CES1: variants seen among roughly 807,000 people sequenced by gnomAD.
The protein encoded by CES1 is carboxylesterase 1, also known as liver carboxylesterase 1.
In CES1, 50 loss-of-function variants were observed where a neutral mutation model predicts 53.0. The observed-to-expected ratio is 0.94, with a 90% CI of 0.75 to 1.19. The LOEUF is 1.19. CES1 is among the 50% of genes most tolerant of loss of function. The pLI is 0.00. For synonymous variants in CES1, 202 were observed against 210.1 expected (o/e 0.96, Z 0.33); for missense variants, 534 against 538.0 (o/e 0.99, Z 0.07).
intron 2 of CES1, 60 bp from the exon 3 acceptor site, chr16:55,826,355 A>T: frequency 1.3e-6 from 2 of 1,599,326 alleles, no homozygotes; most frequent in South Asian, 2.2e-5. Context: ...GGTGTTTTCT[A>T]CGGCAGCGCC....
intron 4 of CES1, among the ~76,000 whole-genome samples, 196 bp downstream of exon 4, chr16:55,823,354 G>A (rs1480361510): frequency 3.3e-5 from 5 of 152,164 alleles, no homozygotes; most frequent in African/African-American, 1.2e-4. Flanking sequence ...AGAGGGAACA[G>A]CACATGCAAA....
rs772197748 is a variant in CES1 at position 55,813,038 on chromosome 16, T to C, written c.951A>G (p.Gln317=). The change falls in exon 9 of 14, where the codon CAA becomes CAG. Residue 317 remains glutamine (Q), a synonymous_variant. Transcript: ENST00000360526. ...LDLQGDPRES[Q]PLLGTVIDGM... Reference sequence around the variant, plus strand: ...CATCAATCACAGTGCCCAGAAGGGGTTGACTCTGGGGAGAGAGCAGTGCAG... The same window carrying C: ...CATCAATCACAGTGCCCAGAAGGGGCTGACTCTGGGGAGAGAGCAGTGCAG... 9 of 1,613,656 alleles carry C rather than the reference T, an allele frequency of 5.6e-6. No individual in the cohort carries two copies. Among genetic ancestry groups the C allele is most frequent in the Middle Eastern group, 1.6e-4 (1 of 6,080 alleles).
chr16:55,817,967 G>A (rs866242380), intron 7 of CES1, among the ~76,000 whole-genome samples: 3 of 152,278 alleles, frequency 2.0e-5, no homozygotes, highest in South Asian at 4.1e-4. Context: ...GCCTCCTTCC[G>A]GGCGTTAGAA....
intron 3 of CES1, among the ~76,000 whole-genome samples, chr16:55,824,129 T>C (rs1461036401): frequency 2.6e-5 from 4 of 152,068 alleles, no homozygotes; most frequent in Non-Finnish European, 2.9e-5. Flanking sequence ...TGTGCATGAA[T>C]GATTGTCTCG....
At chr16:55,832,668 G>A (rs193229145) in intron 1 of CES1, among the ~76,000 whole-genome samples, 50 of 152,342 alleles carry the variant, frequency 3.3e-4, no homozygotes, top group Admixed American at 5.9e-4. Flanking sequence ...ATTATGTTGA[G>A]CCGCTCTCCG....
chr16:55,822,366 G>T (rs1235581293), intron 4 of CES1, among the ~76,000 whole-genome samples: 34 of 152,258 alleles, frequency 2.2e-4, no homozygotes, highest in Non-Finnish European at 1.5e-5. Flanking sequence ...GAGGTGCAAA[G>T]TAGGGGACTC....
chr16:55,829,087 C>G (rs2032538764), intron 1 of CES1, 113 bp from the exon 2 acceptor site: 17 of 1,171,760 alleles, frequency 1.5e-5, no homozygotes, highest in East Asian at 2.5e-5. Flanking sequence ...CCTAAACCCT[C>G]TAGGCCTCAG....
At position 55,819,690 on chromosome 16, in the gene CES1, C is replaced by T. The variant is rs778417114; in HGVS notation, c.802-51G>A. On this transcript the variant is annotated intron_variant, in intron 6 of 13. Transcript: ENST00000360526. ...AGTTCAAGAGCGACATCCCTTCCCT[C>T]CATCAAAGAGGAAAGTGGCATTCTA... The T allele has an allele frequency of 3.4e-6, 5 of 1,462,864 alleles. No homozygotes were observed. The South Asian group carries it at 5.6e-5, about 16-fold the overall frequency. 90.6% of individuals were successfully genotyped at this position (1,462,864 alleles called of 1,614,324 possible).
At chr16:55,828,026 C>G (rs1189019213) in intron 2 of CES1, 3 of 152,470 alleles carry the variant, frequency 2.0e-5, no homozygotes, top group Admixed American at 2.0e-4. Context: ...AAAATAAAAA[C>G]AGTAAACATT....
In CES1 at chr16:55,833,087, A is replaced by T; in HGVS notation, c.-32T>A. The T allele has an allele frequency of 6.5e-7, 1 of 1,539,900 alleles. No homozygotes were observed. Among genetic ancestry groups the T allele is most frequent in the Non-Finnish European group, 8.9e-7 (1 of 1,118,732 alleles). The stretch of plus-strand genomic sequence containing the variant: ...AGGGCGACAGTTCTCGGGGCCTGCG[A>T]GGTCTCTGTGCAGTTCAGAGGGACT... On this transcript the variant is annotated 5_prime_UTR_variant, in exon 1 of 14. Coordinates refer to ENST00000360526, the MANE Select transcript of CES1 (RefSeq NM_001025195.2).
At chr16:55,819,410 C>T in intron 7 of CES1, 125 bp downstream of exon 7, 3 of 773,658 alleles carry the variant, frequency 3.9e-6, no homozygotes, top group Non-Finnish European at 7.0e-6. Context: ...AAATCAGATT[C>T]CCCATTCAGA....
chr16:55,822,964 C>G (rs2048149939), intron 4 of CES1, among the ~76,000 whole-genome samples: 1 of 152,068 alleles, frequency 6.6e-6, no homozygotes, highest in South Asian at 2.1e-4. Context: ...TGACTCCTGT[C>G]CCCATGGAGA....
chr16:55,830,231 T>C (rs551826395), intron 1 of CES1, among the ~76,000 whole-genome samples: 22 of 152,242 alleles, frequency 1.4e-4, no homozygotes, highest in Non-Finnish European at 2.8e-4. Flanking sequence ...ATCTTATTAA[T>C]AGCCAACCCT....
intron 4 of CES1, 87 bp from the exon 5 acceptor site, chr16:55,821,608 T>C (rs2032202153): frequency 7.0e-7 from 1 of 1,429,504 alleles, no homozygotes; most frequent in Non-Finnish European, 9.8e-7. Flanking sequence ...GGGTTCTCAG[T>C]GAACCCTTAA....
intron 7 of CES1, among the ~76,000 whole-genome samples, chr16:55,818,861 G>T (rs1184861169): frequency 6.6e-5 from 10 of 152,094 alleles, no homozygotes; most frequent in African/African-American, 2.2e-4. Context: ...TAATTGGATT[G>T]TTGATTTTGG....
chr16:55,813,059 T>C lies in CES1; in HGVS notation c.946-16A>G, dbSNP rs2031773980. 1.2e-6 allele frequency: 2 copies of C among 1,613,684 alleles called. No individual in the cohort carries two copies. The highest frequency in any genetic ancestry group is 1.7e-6 in the Non-Finnish European group (2 of 1,179,868). ...GGGGTTGACTCTGGGGAGAGAGCAG[T>C]GCAGCACCTGTGATTCCCTCCCTAG... On this transcript the variant is annotated splice_polypyrimidine_tract_variant and intron_variant, in intron 8 of 13. Transcript: ENST00000360526.
Position 55,821,218 on chromosome 16 carries a change from T to C in CES1, c.693+150A>G. 4.6e-6 allele frequency: 5 copies of C among 1,076,204 alleles called. No homozygotes were observed. The South Asian group carries it at 5.3e-5, about 11-fold the overall frequency. 66.7% of individuals were successfully genotyped at this position (1,076,204 alleles called of 1,614,324 possible). ...GCCAAGGAGAGCTGGTCTTTAGCTTTCTACCCCCTGATGCTGGGCTGTGAG... is the reference window on the plus strand; with the variant it reads ...GCCAAGGAGAGCTGGTCTTTAGCTTCCTACCCCCTGATGCTGGGCTGTGAG... On this transcript the variant is annotated intron_variant, in intron 5 of 13. Coordinates refer to ENST00000360526, the MANE Select transcript of CES1 (RefSeq NM_001025195.2).
At chr16:55,825,989 T>G (rs1405313296) in intron 3 of CES1, among the ~76,000 whole-genome samples, 162 bp downstream of exon 3, 5 of 152,208 alleles carry the variant, frequency 3.3e-5, no homozygotes, top group African/African-American at 9.7e-5. Flanking sequence ...GGTAAACTGA[T>G]GTGTGGAAAA....
At chr16:55,832,798 T>A (rs1341197797) in intron 1 of CES1, among the ~76,000 whole-genome samples, 1 of 152,236 alleles carries the variant, frequency 6.6e-6, no homozygotes, top group Non-Finnish European at 1.5e-5. Flanking sequence ...TACAGGGCGA[T>A]CTCAGGATGT....
Sources: allele counts gnomAD v4.1 joint callset (sites outside exome capture counted in the v4.1 genomes callset), GRCh38; gene constraint gnomAD v4.1.1; transcripts MANE v1.5; gene names NCBI Gene and HGNC (gene_info 2026-07-23, HGNC 2026-07-21).